Variants in PTPRD observed in about 807,000 individuals in gnomAD.
PTPRD encodes receptor-type tyrosine-protein phosphatase delta.
In PTPRD, 34 loss-of-function variants were observed where a neutral mutation model predicts 214.5. The ratio of observed to expected loss-of-function variants is 0.16; its 90% CI spans 0.12 to 0.21. The LOEUF (loss-of-function observed/expected upper bound fraction) is 0.21, where lower values mean the gene tolerates loss of function less well. Ranked by LOEUF, PTPRD falls within the 10% of genes least tolerant of loss-of-function variation. The probability of loss-of-function intolerance (pLI) is 1.00; values close to 1 mark genes in which losing one functional copy is unlikely to be tolerated. For synonymous variants in PTPRD, 1,128 were observed against 845.7 expected, an observed-to-expected ratio of 1.33 and a Z score of -5.79; for missense variants, 2,545 against 2,398.7, an observed-to-expected ratio of 1.06 and a Z score of -1.27.
In PTPRD at chr9:9,366,808, T is replaced by A. The variant is rs369840495; in HGVS notation, c.-203+30641A>T. 4.0e-5 allele frequency among the ~76,000 whole-genome samples: 6 copies of A among 151,344 alleles called. No individual in the cohort carries two copies. The East Asian group carries it at 1.2e-3, about 29-fold the overall frequency. On this transcript the variant is annotated intron_variant, in intron 9 of 45. Coordinates refer to ENST00000381196, the MANE Select transcript of PTPRD (RefSeq NM_002839.4). The stretch of plus-strand genomic sequence containing the variant: ...TCCTCATTATTAGTAAACATACATG[T>A]AATAAAAATGAATAGAGCTAAATAC...
intron 11 of PTPRD, among the ~76,000 whole-genome samples, chr9:8,906,676 G>T (rs979504952): frequency 6.6e-6 from 1 of 152,066 alleles, no homozygotes; most frequent in Non-Finnish European, 1.5e-5. Context: ...CCTCCCATTT[G>T]TCCCTGCTCC....
At chr9:10,388,663 A>T (rs2154489156) in intron 2 of PTPRD, among the ~76,000 whole-genome samples, 1 of 151,998 alleles carries the variant, frequency 6.6e-6, no homozygotes, top group Middle Eastern at 3.4e-3. Context: ...ACTTAAGAAA[A>T]TTTGCTGCAG....
intron 11 of PTPRD, among the ~76,000 whole-genome samples, chr9:8,812,283 C>T (rs2096825054): frequency 1.3e-5 from 2 of 152,104 alleles, no homozygotes; most frequent in South Asian, 4.1e-4. Flanking sequence ...TATAGGTCTA[C>T]ACATGTATAC....
chr9:10,195,516 C>T (rs2099394449), intron 3 of PTPRD, among the ~76,000 whole-genome samples: 1 of 152,120 alleles, frequency 6.6e-6, no homozygotes. Context: ...TCACATCAGA[C>T]TATTCTCAGA....
intron 9 of PTPRD, 98 bp from the exon 10 acceptor site, chr9:9,183,461 T>C (rs2099929432): frequency 6.6e-6 from 1 of 152,032 alleles, no homozygotes; most frequent in Non-Finnish European, 1.5e-5. Flanking sequence ...TTAGTGGGGA[T>C]TGAGGCAGAG....
intron 2 of PTPRD, among the ~76,000 whole-genome samples, chr9:10,478,797 T>C (rs965123496): frequency 2.6e-5 from 4 of 151,676 alleles, no homozygotes; most frequent in Non-Finnish European, 4.4e-5. Flanking sequence ...ACAAATTCTA[T>C]TGCCTATGGA....
intron 9 of PTPRD, among the ~76,000 whole-genome samples, chr9:9,326,822 C>T (rs1211154163): frequency 6.6e-6 from 1 of 152,036 alleles, no homozygotes; most frequent in East Asian, 1.9e-4. Flanking sequence ...ACTATTTCAC[C>T]TTATAAAAAC....
At chr9:9,684,328 T>C (rs558756225) in intron 7 of PTPRD, among the ~76,000 whole-genome samples, 22 of 151,830 alleles carry the variant, frequency 1.4e-4, no homozygotes, top group African/African-American at 5.3e-4. Context: ...TGTTATTCTT[T>C]TCTAGCATCC....
chr9:8,694,024 T>C (rs1183819453), intron 12 of PTPRD, among the ~76,000 whole-genome samples: 1 of 152,218 alleles, frequency 6.6e-6, no homozygotes, highest in Non-Finnish European at 1.5e-5. Context: ...TCTGTGTCAT[T>C]AATATTCAAA....
intron 23 of PTPRD, among the ~76,000 whole-genome samples, chr9:8,503,355 A>G (rs868605617): frequency 2.2e-4 from 33 of 152,278 alleles, no homozygotes; most frequent in Middle Eastern, 3.4e-3. Flanking sequence ...TCTATTGTAT[A>G]ATTCACTATG....
intron 3 of PTPRD, among the ~76,000 whole-genome samples, chr9:10,132,470 T>C (rs1379750685): frequency 6.6e-6 from 1 of 151,840 alleles, no homozygotes; most frequent in Non-Finnish European, 1.5e-5. Flanking sequence ...AATGAGGAGA[T>C]CCAAATATAC....
chr9:8,992,096 G>A (rs957908652), intron 11 of PTPRD, among the ~76,000 whole-genome samples: 5 of 151,862 alleles, frequency 3.3e-5, no homozygotes, highest in Non-Finnish European at 7.4e-5. Flanking sequence ...CCTGTTTGGC[G>A]GCCCAAACAA....
At chr9:10,036,630 G>C (rs2097187615) in intron 3 of PTPRD, among the ~76,000 whole-genome samples, 1 of 151,746 alleles carries the variant, frequency 6.6e-6, no homozygotes, top group Non-Finnish European at 1.5e-5. Flanking sequence ...CTGTCACCAG[G>C]CTGGAGTGCA....
intron 7 of PTPRD, among the ~76,000 whole-genome samples, chr9:9,667,192 G>C (rs2096740267): frequency 6.6e-6 from 1 of 151,930 alleles, no homozygotes; most frequent in Admixed American, 6.6e-5. Flanking sequence ...CTTTCATCCT[G>C]TTTTCTTAGG....
chr9:8,892,452 A>G (rs1221521526), intron 11 of PTPRD, among the ~76,000 whole-genome samples: 2 of 152,052 alleles, frequency 1.3e-5, no homozygotes, highest in Non-Finnish European at 2.9e-5. Context: ...GGGGATGCAG[A>G]AATATAAATC....
intron 7 of PTPRD, among the ~76,000 whole-genome samples, chr9:9,727,408 C>G (rs997997638): frequency 8.5e-5 from 13 of 152,080 alleles, no homozygotes; most frequent in African/African-American, 2.7e-4. Flanking sequence ...CAAGATCGCA[C>G]CACTGCACTC....
intron 3 of PTPRD, among the ~76,000 whole-genome samples, chr9:10,181,252 A>G (rs1272779685): frequency 6.6e-6 from 1 of 152,164 alleles, no homozygotes; most frequent in East Asian, 1.9e-4. Context: ...AGAAAATGTA[A>G]GATATCATTT....
At chr9:10,370,747 C>T (rs997547982) in intron 2 of PTPRD, among the ~76,000 whole-genome samples, 1 of 151,892 alleles carries the variant, frequency 6.6e-6, no homozygotes, top group Non-Finnish European at 1.5e-5. Flanking sequence ...CTACATGCAT[C>T]CCTTTTTAAA....
At chr9:9,356,381 A>G (rs563224431) in intron 9 of PTPRD, among the ~76,000 whole-genome samples, 4 of 151,486 alleles carry the variant, frequency 2.6e-5, no homozygotes, top group Non-Finnish European at 5.9e-5. Flanking sequence ...TTCTTGTTGT[A>G]TAACAGCACT....
Sources: gnomAD v4.1 joint callset for allele counts (sites outside exome capture counted in the v4.1 genomes callset) on GRCh38, gnomAD v4.1.1 for gene constraint, MANE v1.5 for transcripts, NCBI Gene and HGNC (gene_info 2026-07-23, HGNC 2026-07-21) for gene names.